The following CACNB2 variants were observed in gnomAD, a reference collection of about 807,000 sequenced individuals.
CACNB2 encodes the protein calcium voltage-gated channel auxiliary subunit beta 2, also known as voltage-dependent L-type calcium channel subunit beta-2.
CACNB2 carries 42 observed loss-of-function variants against 73.3 expected under a neutral mutation model. The ratio of observed to expected loss-of-function variants is 0.57; its 90% CI spans 0.45 to 0.74. CACNB2 has a LOEUF of 0.74. Among genes scored for constraint, CACNB2 ranks in the 30% least tolerant of loss-of-function variants. The pLI is 0.00. For missense variants in CACNB2, 940 were observed against 853.0 expected (o/e 1.10, Z -1.27); for synonymous variants, 348 against 310.3 (o/e 1.12, Z -1.28).
intron 6 of CACNB2, among the ~76,000 whole-genome samples, chr10:18,512,268 CAT>C (rs1474616995): frequency 6.6e-6 from 1 of 151,972 alleles, no homozygotes; most frequent in Non-Finnish European, 1.5e-5. Context: ...AGTGGCTTTG[CAT>C]AAGTCACCAG....
At chr10:18,401,180 A>T (rs2043976793) in intron 2 of CACNB2, 1 of 1,552,464 alleles carries the variant, frequency 6.4e-7, no homozygotes, top group African/African-American at 1.4e-5. Context: ...GCAGGTAGAG[A>T]GGGTGGTTTG....
At chr10:18,466,378 G>C (rs1278324905) in intron 3 of CACNB2, among the ~76,000 whole-genome samples, 2 of 152,136 alleles carry the variant, frequency 1.3e-5, no homozygotes, top group South Asian at 2.1e-4. Context: ...TGGGACTACA[G>C]GTCCCAGCAC....
chr10:18,535,286 G>T (rs2053452292), intron 11 of CACNB2, among the ~76,000 whole-genome samples: 2 of 152,120 alleles, frequency 1.3e-5, no homozygotes, highest in African/African-American at 4.8e-5. Flanking sequence ...TAGTATCAAA[G>T]AAGACTATAC....
At chr10:18,499,369 A>G (rs111535062) in intron 4 of CACNB2, among the ~76,000 whole-genome samples, 6,288 of 152,008 alleles carry the variant, frequency 0.041, 147 homozygotes, top group Non-Finnish European at 0.05. Context: ...TGTAATCCCA[A>G]CACTTTGGGA....
chr10:18,358,497 GCTCTCTCT>G (rs59205683), intron 2 of CACNB2, among the ~76,000 whole-genome samples: 2,426 of 104,008 alleles, frequency 0.023, 10 homozygotes, highest in East Asian at 0.082. Flanking sequence ...TAATGAGCAC[GCTCTCTCT>G]CTCTCTCTCT....
chr10:18,224,563 CAA>C (rs1219858883), intron 2 of CACNB2, among the ~76,000 whole-genome samples: 1 of 152,140 alleles, frequency 6.6e-6, no homozygotes, highest in Non-Finnish European at 1.5e-5. Context: ...CATTTTACCC[CAA>C]GTTAGTTAGC....
At position 18,502,136 on chromosome 10, in the gene CACNB2, A is replaced by G. The variant is rs188617500; in HGVS notation, c.593+1188A>G. Among the ~76,000 whole-genome samples, 289 of 152,186 alleles carry G rather than the reference A, an allele frequency of 1.9e-3. 1 individual carries two copies. The highest frequency in any genetic ancestry group is 6.7e-3 in the African/African-American group (277 of 41,528). On this transcript the variant is annotated intron_variant, in intron 5 of 13. Transcript: ENST00000324631. Reference sequence around the variant, plus strand: ...AGCCTGGCCAACATGGTGAAACCCCATCTCTACTAAAAATCCAAAAATTAG... The same window carrying G: ...AGCCTGGCCAACATGGTGAAACCCCGTCTCTACTAAAAATCCAAAAATTAG...
chr10:18,505,818 G>A (rs1177616690), intron 5 of CACNB2, among the ~76,000 whole-genome samples: 2 of 152,140 alleles, frequency 1.3e-5, no homozygotes, highest in Non-Finnish European at 2.9e-5. Context: ...TTGGTAGTTC[G>A]GAAATGTATG....
chr10:18,405,963 C>G (rs542598400), intron 3 of CACNB2, among the ~76,000 whole-genome samples: 1 of 151,904 alleles, frequency 6.6e-6, no homozygotes, highest in Non-Finnish European at 1.5e-5. Flanking sequence ...AACAAACAAA[C>G]AAACAAACAA....
Position 18,189,779 on chromosome 10 carries a change from T to G in CACNB2, c.213+38804T>G, listed in dbSNP as rs547989267. Among the ~76,000 whole-genome samples the G allele has an allele frequency of 4.8e-4, 73 of 152,324 alleles. No individual in the cohort carries two copies. In the South Asian group the frequency reaches 9.3e-3, roughly 19 times the overall value. Reference sequence around the variant, plus strand: ...AGCTTTTGTTACATATTGCCAACTTTTCCTCCTAGAACACTGGACCAGTTT... The same window carrying G: ...AGCTTTTGTTACATATTGCCAACTTGTCCTCCTAGAACACTGGACCAGTTT... On this transcript the variant is annotated intron_variant, in intron 2 of 13. Coordinates refer to ENST00000324631, the MANE Select transcript of CACNB2 (RefSeq NM_201596.3).
chr10:18,523,552 G>T (rs2052139907), intron 9 of CACNB2, among the ~76,000 whole-genome samples: 1 of 152,184 alleles, frequency 6.6e-6, no homozygotes, highest in Non-Finnish European at 1.5e-5. Context: ...TTGACTTACA[G>T]AGCTGGGGTT....
At chr10:18,448,372 C>T (rs933553834) in intron 3 of CACNB2, among the ~76,000 whole-genome samples, 4 of 150,666 alleles carry the variant, frequency 2.7e-5, no homozygotes, top group Admixed American at 6.7e-5. Context: ...TACTCAGGAG[C>T]TCTGAGGCAG....
At chr10:18,144,805 G>C (rs2030793429) in intron 1 of CACNB2, among the ~76,000 whole-genome samples, 1 of 152,188 alleles carries the variant, frequency 6.6e-6, no homozygotes, top group Non-Finnish European at 1.5e-5. Flanking sequence ...TTCACCTGTT[G>C]CTGTTTACCT....
intron 11 of CACNB2, 137 bp from the exon 12 acceptor site, chr10:18,535,964 G>A (rs979194973): frequency 3.2e-6 from 2 of 620,032 alleles, no homozygotes; most frequent in Non-Finnish European, 5.8e-6. Flanking sequence ...TAATTTTGCA[G>A]ATAATCTTAT....
At chr10:18,207,814 A>G (rs1297111505) in intron 2 of CACNB2, among the ~76,000 whole-genome samples, 1 of 152,226 alleles carries the variant, frequency 6.6e-6, no homozygotes, top group Non-Finnish European at 1.5e-5. Context: ...ATCATATTGT[A>G]TACTATATAT....
At chr10:18,152,164 G>C (rs982268042) in intron 2 of CACNB2, among the ~76,000 whole-genome samples, 2 of 152,090 alleles carry the variant, frequency 1.3e-5, no homozygotes, top group Non-Finnish European at 2.9e-5. Flanking sequence ...GATCTTGGCT[G>C]GTTGCTGCTT....
intron 7 of CACNB2, among the ~76,000 whole-genome samples, chr10:18,517,966 C>T (rs1468374431): frequency 6.6e-6 from 1 of 152,192 alleles, no homozygotes; most frequent in East Asian, 1.9e-4. Context: ...TTAGAAAATT[C>T]AAATGCAGCC....
At chr10:18,233,092 T>G (rs1217758538) in intron 2 of CACNB2, among the ~76,000 whole-genome samples, 1 of 152,022 alleles carries the variant, frequency 6.6e-6, no homozygotes, top group Non-Finnish European at 1.5e-5. Context: ...CTCAAATAAA[T>G]AAATAGTTTA....
At chr10:18,509,344 G>A (rs1051943202) in intron 6 of CACNB2, among the ~76,000 whole-genome samples, 1 of 152,140 alleles carries the variant, frequency 6.6e-6, no homozygotes, top group Admixed American at 6.5e-5. Flanking sequence ...TATATGCTTG[G>A]ATGCTGTCAA....
Sources: allele counts gnomAD v4.1 joint callset (sites outside exome capture counted in the v4.1 genomes callset), GRCh38; gene constraint gnomAD v4.1.1; transcripts MANE v1.5; gene names NCBI Gene and HGNC (gene_info 2026-07-23, HGNC 2026-07-21).